Variants in RGS22 observed in about 807,000 individuals in gnomAD.
RGS22 encodes the protein regulator of G protein signaling 22.
RGS22 carries 148 observed loss-of-function variants against 172.9 expected under a neutral mutation model. The ratio of observed to expected loss-of-function variants is 0.86; its 90% CI spans 0.75 to 0.98. The LOEUF is 0.98. Among genes scored for constraint, RGS22 ranks in the 50% least tolerant of loss-of-function variants. RGS22 has a pLI of 0.00. For missense variants in RGS22, 1,347 were observed against 1,440.8 expected, an observed-to-expected ratio of 0.93 and a Z score of 1.05; for synonymous variants, 458 against 480.2, an observed-to-expected ratio of 0.95 and a Z score of 0.60.
chr8:99,962,448 A>G lies in RGS22; in HGVS notation c.3791-5T>C, dbSNP rs983254450. On this transcript the variant is annotated splice_region_variant and splice_polypyrimidine_tract_variant and intron_variant, in intron 26 of 27. Transcript: ENST00000360863. ...ATTCACAAGAATGCTGTCACTCTGG[A>G]AAAGACATGAAGTTTTATGTATATA... The G allele has an allele frequency of 1.2e-6, 2 of 1,613,248 alleles. No homozygotes were observed. Among genetic ancestry groups the G allele is most frequent in the African/African-American group, 1.3e-5 (1 of 75,010 alleles).
chr8:99,989,806 C>A (rs1463110060), intron 20 of RGS22, among the ~76,000 whole-genome samples: 1 of 152,034 alleles, frequency 6.6e-6, no homozygotes. Flanking sequence ...GATTGTCCCA[C>A]TTTATTCCAG....
intron 9 of RGS22, among the ~76,000 whole-genome samples, chr8:100,053,692 G>A (rs1382535097): frequency 6.6e-6 from 1 of 152,038 alleles, no homozygotes; most frequent in Non-Finnish European, 1.5e-5. Context: ...CTGGAATGCA[G>A]TGGTGCGATC....
chr8:99,995,689 G>T (rs1015008892), intron 20 of RGS22, among the ~76,000 whole-genome samples: 1 of 152,222 alleles, frequency 6.6e-6, no homozygotes, highest in African/African-American at 2.4e-5. Context: ...AAACCATTGT[G>T]GAAGACAGTG....
intron 14 of RGS22, among the ~76,000 whole-genome samples, chr8:100,018,035 G>C (rs549394886): frequency 3.3e-5 from 5 of 152,190 alleles, no homozygotes; most frequent in African/African-American, 1.2e-4. Flanking sequence ...TTTTTGAGAA[G>C]GGATACAAGC....
intron 6 of RGS22, among the ~76,000 whole-genome samples, chr8:100,067,621 ATTTT>A (rs5893506): frequency 8.0e-6 from 1 of 124,472 alleles, no homozygotes. Context: ...CACTTTATAC[ATTTT>A]TTTTTTTTTT....
intron 3 of RGS22, among the ~76,000 whole-genome samples, chr8:100,086,555 T>C (rs1812174793): frequency 6.6e-6 from 1 of 151,752 alleles, no homozygotes; most frequent in Admixed American, 6.6e-5. Flanking sequence ...TGGGGACAAC[T>C]AGATGGGAGA....
intron 14 of RGS22, among the ~76,000 whole-genome samples, chr8:100,036,789 C>A (rs1010507244): frequency 1.3e-5 from 2 of 151,446 alleles, no homozygotes; most frequent in African/African-American, 4.9e-5. Context: ...TATAAAGATG[C>A]GGTCTCACTT....
At chr8:99,968,898 C>T (rs1184648678) in intron 23 of RGS22, among the ~76,000 whole-genome samples, 5 of 151,990 alleles carry the variant, frequency 3.3e-5, no homozygotes, top group Admixed American at 6.6e-5. Context: ...AGATACTCCT[C>T]GAGAAGAGCA....
At chr8:100,026,365 T>C (rs1182160483) in intron 14 of RGS22, among the ~76,000 whole-genome samples, 4 of 152,234 alleles carry the variant, frequency 2.6e-5, no homozygotes. Context: ...ACATCACAAC[T>C]TATGGGCTTC....
At chr8:99,981,555 A>G (rs1394206638) in intron 22 of RGS22, among the ~76,000 whole-genome samples, 1 of 152,154 alleles carries the variant, frequency 6.6e-6, no homozygotes, top group African/African-American at 2.4e-5. Flanking sequence ...CACGAAAAAA[A>G]CTGCATTTAA....
intron 14 of RGS22, among the ~76,000 whole-genome samples, chr8:100,035,620 T>C (rs552550399): frequency 6.6e-6 from 1 of 152,270 alleles, no homozygotes; most frequent in African/African-American, 2.4e-5. Flanking sequence ...ATAAACCCAA[T>C]GGATTTTAAA....
chr8:99,992,248 T>A (rs913588434), intron 20 of RGS22, among the ~76,000 whole-genome samples: 3 of 152,132 alleles, frequency 2.0e-5, no homozygotes, highest in Non-Finnish European at 2.9e-5. Flanking sequence ...AATGACAGGA[T>A]CAAATTCATA....
At chr8:100,008,827 AAAT>A (rs1359081676) in intron 14 of RGS22, among the ~76,000 whole-genome samples, 5 of 152,350 alleles carry the variant, frequency 3.3e-5, no homozygotes, top group Middle Eastern at 3.4e-3. Flanking sequence ...AGGAAGCACT[AAAT>A]ATTATTATGG....
chr8:100,051,631 ATATTTATATATGTT>A (rs1821394508), intron 10 of RGS22, among the ~76,000 whole-genome samples: 1 of 34,700 alleles, frequency 2.9e-5, no homozygotes, highest in African/African-American at 8.0e-5. Flanking sequence ...ATATAAATAT[ATATTTATATATGTT>A]TATACATATA....
intron 16 of RGS22, 62 bp from the exon 17 acceptor site, chr8:100,004,160 A>C (rs1290429564): frequency 1.4e-6 from 2 of 1,465,332 alleles, no homozygotes; most frequent in African/African-American, 2.8e-5. Context: ...TACAATTTTA[A>C]GTAGAGAAAC....
At chr8:100,008,326 TG>T (rs1815964367) in intron 15 of RGS22, 48 bp downstream of exon 15, 2 of 1,544,570 alleles carry the variant, frequency 1.3e-6, no homozygotes, top group Non-Finnish European at 1.8e-6. Flanking sequence ...GCGTCAGTAT[TG>T]TAGTAAACCT....
intron 9 of RGS22, among the ~76,000 whole-genome samples, chr8:100,053,361 G>A (rs1350969195): frequency 6.6e-6 from 1 of 150,420 alleles, no homozygotes; most frequent in Non-Finnish European, 1.5e-5. Context: ...GGCGGAGGTT[G>A]CAGTGAGCCC....
chr8:100,078,372 G>C (rs1050502810), intron 4 of RGS22, among the ~76,000 whole-genome samples: 5 of 150,866 alleles, frequency 3.3e-5, no homozygotes, highest in African/African-American at 7.3e-5. Context: ...CTAAAGCTCT[G>C]GAATCAAACG....
chr8:99,975,051 CAGA>C (rs1488813495), intron 23 of RGS22, among the ~76,000 whole-genome samples: 5 of 151,632 alleles, frequency 3.3e-5, no homozygotes, highest in Non-Finnish European at 7.4e-5. Flanking sequence ...GAGATTGAGG[CAGA>C]AGAATCGCTT....
Sources: allele counts gnomAD v4.1 joint callset (sites outside exome capture counted in the v4.1 genomes callset), GRCh38; gene constraint gnomAD v4.1.1; transcripts MANE v1.5; gene names NCBI Gene and HGNC (gene_info 2026-07-23, HGNC 2026-07-21).